The following PHACTR2 variants were observed in gnomAD, a reference collection of about 807,000 sequenced individuals.
PHACTR2 encodes chromosome 6 open reading frame 56.
A neutral mutation model predicts 76.0 loss-of-function variants in PHACTR2; 30 were observed. The ratio of observed to expected loss-of-function variants is 0.39; its 90% CI spans 0.30 to 0.54. The LOEUF is 0.54. PHACTR2 is among the 20% of genes least tolerant of loss of function. PHACTR2 has a pLI of 0.61. For synonymous variants in PHACTR2, 292 were observed against 292.5 expected (o/e 1.00, Z 0.02); for missense variants, 696 against 781.1 (o/e 0.89, Z 1.30).
At position 143,647,489 on chromosome 6, in the gene PHACTR2, G is replaced by T. The variant is rs1776680325; in HGVS notation, c.13+39167G>T. 6.6e-6 allele frequency among the ~76,000 whole-genome samples: 1 copy of T among 152,176 alleles called. No homozygotes were observed. Among genetic ancestry groups the T allele is most frequent in the Non-Finnish European group, 1.5e-5 (1 of 68,034 alleles). On this transcript the variant is annotated intron_variant, in intron 1 of 11. Coordinates refer to the PHACTR2 transcript ENST00000305766. The surrounding 1 kb of genome is among the most constrained non-coding windows in gnomAD (Gnocchi z 4.2). Reference sequence around the variant, plus strand: ...TAGGTATACTATCCATGGTGAAGAGGACAGCCTAGGTCGTTGCCCTCATGG... The same window carrying T: ...TAGGTATACTATCCATGGTGAAGAGTACAGCCTAGGTCGTTGCCCTCATGG...
rs1159006543 is a variant in PHACTR2, at chr6:143,578,752, A to T, written c.217+41545A>T. On this transcript the variant is annotated intron_variant, in intron 1 of 11. Coordinates refer to the PHACTR2 transcript ENST00000367584. The surrounding 1 kb of genome is among the most constrained non-coding windows in gnomAD (Gnocchi z 4.5). ...GTAGATGATGAAGAAGATGAAGAAGACCTTGGTGAAGAAGAAAGGAGTCAG... is the reference window on the plus strand; with the variant it reads ...GTAGATGATGAAGAAGATGAAGAAGTCCTTGGTGAAGAAGAAAGGAGTCAG... 6.6e-6 allele frequency among the ~76,000 whole-genome samples: 1 copy of T among 151,804 alleles called. No individual in the cohort carries two copies. The highest frequency in any genetic ancestry group is 1.9e-4 in the East Asian group (1 of 5,178).
chr6:143,808,346 C>T (rs1776107590), intron 12 of PHACTR2, among the ~76,000 whole-genome samples: 1 of 152,086 alleles, frequency 6.6e-6, no homozygotes, highest in South Asian at 2.1e-4. Flanking sequence ...TCCAGCTGGT[C>T]TCAAACTCCT....
At chr6:143,749,550 G>A (rs1277223523) in intron 3 of PHACTR2, among the ~76,000 whole-genome samples, 2 of 152,136 alleles carry the variant, frequency 1.3e-5, no homozygotes, top group Non-Finnish European at 2.9e-5. Flanking sequence ...AATCAATAAA[G>A]CATGAATAGG....
rs969045647 is a variant in PHACTR2 at position 143,554,228 on chromosome 6, G to C, written c.217+17021G>C. 2.0e-5 allele frequency: 3 copies of C among 152,170 alleles called. No homozygotes were observed. The highest frequency in any genetic ancestry group is 7.2e-5 in the African/African-American group (3 of 41,434). The allele number at this position is 152,170 out of a possible 1,614,324, so 9.4% of individuals were successfully genotyped here. A position where few individuals can be genotyped will look rare whatever the true frequency, so the allele number is the denominator to read the frequency against. On this transcript the variant is annotated intron_variant, in intron 1 of 11. Transcript: ENST00000367584. This position sits in a 1 kb window ranked among gnomAD's most constrained non-coding sequence, Gnocchi z 5.9. Reference sequence around the variant, plus strand: ...GGACAGTAACTAGCCAATTGATGGAGATTTTAACATTACGTGGAAGTAGCT... The same window carrying C: ...GGACAGTAACTAGCCAATTGATGGACATTTTAACATTACGTGGAAGTAGCT...
Position 143,826,562 on chromosome 6 carries a change from A to G in PHACTR2, c.*2873A>G, listed in dbSNP as rs1261030812. On this transcript the variant is annotated 3_prime_UTR_variant, in exon 13 of 13. Coordinates refer to ENST00000440869, the MANE Select transcript of PHACTR2 (RefSeq NM_001100164.2). ...AGGCAGGAAAGAACTAGACAGATGTAGAAACCAAAGTGACCATTTTAGTTT... is the reference window on the plus strand; with the variant it reads ...AGGCAGGAAAGAACTAGACAGATGTGGAAACCAAAGTGACCATTTTAGTTT... 1 of 149,306 alleles carries G rather than the reference A, an allele frequency of 6.7e-6. No individual in the cohort carries two copies. 9.2% of individuals were successfully genotyped at this position (149,306 alleles called of 1,614,324 possible). A position where few individuals can be genotyped will look rare whatever the true frequency, so the allele number is the denominator to read the frequency against.
At position 143,742,334 on chromosome 6, in the gene PHACTR2, C is replaced by T. The variant is rs1778964081; in HGVS notation, c.215-6651C>T. On this transcript the variant is annotated intron_variant, in intron 2 of 12. Transcript: ENST00000440869. The surrounding 1 kb of genome is among the most constrained non-coding windows in gnomAD (Gnocchi z 4.5). ...TGAGTCTGTATTTCCTCCCTGTTGG[C>T]TTTTGTTGTTGTTGTGGTTGTTAAC... 6.6e-6 allele frequency among the ~76,000 whole-genome samples: 1 copy of T among 152,138 alleles called. No individual in the cohort carries two copies. Among genetic ancestry groups the T allele is most frequent in the South Asian group, 2.1e-4 (1 of 4,824 alleles).
At position 143,755,750 on chromosome 6, in the gene PHACTR2, G is replaced by A. The variant is rs1218030506; in HGVS notation, c.454+1838G>A. ...AAAGTGCACACACCAAAGCCACAAG[G>A]AGAAGCGCTAGGTATAGAAGCCACT... On this transcript the variant is annotated intron_variant, in intron 4 of 12. Coordinates refer to ENST00000440869, the MANE Select transcript of PHACTR2 (RefSeq NM_001100164.2). The surrounding 1 kb of genome is among the most constrained non-coding windows in gnomAD (Gnocchi z 5.2). Among the ~76,000 whole-genome samples the A allele has an allele frequency of 1.9e-4, 29 of 152,174 alleles. No individual in the cohort carries two copies. Among genetic ancestry groups the A allele is most frequent in the Non-Finnish European group, 8.8e-5 (6 of 68,046 alleles).
At chr6:143,773,670 G>A (rs1775205508) in intron 7 of PHACTR2, among the ~76,000 whole-genome samples, 1 of 152,086 alleles carries the variant, frequency 6.6e-6, no homozygotes, top group Non-Finnish European at 1.5e-5. Flanking sequence ...GAGGAGACAA[G>A]GATTAACTGT....
In PHACTR2 at chr6:143,801,150, C is replaced by T. The variant is rs372541132; in HGVS notation, c.1846-5907C>T. On this transcript the variant is annotated intron_variant, in intron 11 of 12. Coordinates refer to ENST00000440869, the MANE Select transcript of PHACTR2 (RefSeq NM_001100164.2). This position sits in a 1 kb window ranked among gnomAD's most constrained non-coding sequence, Gnocchi z 4.6. ...ACATTTTTTCCTCCATTTCAACCTT[C>T]GTGAATCTGACAGTTATGTGTCTTG... 6.6e-6 allele frequency among the ~76,000 whole-genome samples: 1 copy of T among 152,140 alleles called. No homozygotes were observed. Among genetic ancestry groups the T allele is most frequent in the Non-Finnish European group, 1.5e-5 (1 of 68,032 alleles).
intron 2 of PHACTR2, among the ~76,000 whole-genome samples, chr6:143,745,649 C>T (rs1275870628): frequency 2.0e-5 from 3 of 152,374 alleles, no homozygotes; most frequent in Middle Eastern, 3.4e-3. Context: ...GAATGAGATA[C>T]TTGTACTGCT....
In PHACTR2 at chr6:143,580,488, C is replaced by T. The variant is rs1189491663; in HGVS notation, c.217+43281C>T. On this transcript the variant is annotated intron_variant, in intron 1 of 11. Coordinates refer to the PHACTR2 transcript ENST00000367584. The surrounding 1 kb of genome is among the most constrained non-coding windows in gnomAD (Gnocchi z 4.2). ...CGACAGAGCGAGACTCCGTCTCAAA[C>T]AAAACAAAACAAAACAAAACAAAAA... Among the ~76,000 whole-genome samples, 1 of 150,154 alleles carries T rather than the reference C, an allele frequency of 6.7e-6. No individual in the cohort carries two copies. The highest frequency in any genetic ancestry group is 6.6e-5 in the Admixed American group (1 of 15,128).
Position 143,780,056 on chromosome 6 carries a change from GC to G in PHACTR2, c.1645+2674del, listed in dbSNP as rs1170282432. On this transcript the variant is annotated intron_variant, in intron 9 of 12. Coordinates refer to ENST00000440869, the MANE Select transcript of PHACTR2 (RefSeq NM_001100164.2). This position sits in a 1 kb window ranked among gnomAD's most constrained non-coding sequence, Gnocchi z 4.4. ...CTAATCAAGAAAGGTGATGTATTTA[GC>G]TGAGAATGTAATTCTAGCCATGTCT... is the stretch of plus-strand genomic sequence containing the variant. 1.3e-5 allele frequency among the ~76,000 whole-genome samples: 2 copies of G among 151,830 alleles called. No homozygotes were observed. Among genetic ancestry groups the G allele is most frequent in the Admixed American group, 1.3e-4 (2 of 15,244 alleles).
chr6:143,748,438 T>G (rs529474817), intron 2 of PHACTR2, among the ~76,000 whole-genome samples: 36 of 152,336 alleles, frequency 2.4e-4, no homozygotes, highest in African/African-American at 8.2e-4. Context: ...ATATAAGAAC[T>G]CTCTAGAATT....
chr6:143,688,408 T>C lies in PHACTR2; in HGVS notation c.46+10199T>C, dbSNP rs1777569588. ...TCAACTCCCAGAGTTACCCAGTTTG[T>C]GTCTGCAACTCTGACCTTTCTCTGC... is the stretch of plus-strand genomic sequence containing the variant. On this transcript the variant is annotated intron_variant, in intron 1 of 12. Transcript: ENST00000440869. The surrounding 1 kb of genome is among the most constrained non-coding windows in gnomAD (Gnocchi z 5.2). Among the ~76,000 whole-genome samples the C allele has an allele frequency of 6.6e-6, 1 of 152,034 alleles. No homozygotes were observed. Among genetic ancestry groups the C allele is most frequent in the Non-Finnish European group, 1.5e-5 (1 of 68,022 alleles).
rs1363466067 is a variant in PHACTR2 at position 143,829,311 on chromosome 6, A to C, written c.*5622A>C. The C allele has an allele frequency of 1.3e-5, 2 of 150,832 alleles. No individual in the cohort carries two copies. The highest frequency in any genetic ancestry group is 2.9e-5 in the Non-Finnish European group (2 of 67,940). The allele number at this position is 150,832 out of a possible 1,614,324, so 9.3% of individuals were successfully genotyped here. On this transcript the variant is annotated 3_prime_UTR_variant, in exon 13 of 13. Coordinates refer to ENST00000440869, the MANE Select transcript of PHACTR2 (RefSeq NM_001100164.2). ...AAACACAAACACAGACTAGCAATGC[A>C]CTTGAACAAACCTGGTGGTCTTTGG...
intron 12 of PHACTR2, among the ~76,000 whole-genome samples, chr6:143,817,053 G>A (rs1278729878): frequency 6.6e-6 from 1 of 152,112 alleles, no homozygotes; most frequent in African/African-American, 2.4e-5. Flanking sequence ...GTGACAGAGT[G>A]AGACGGTGTC....
Position 143,700,582 on chromosome 6 carries a change from G to C in PHACTR2, c.47-11434G>C, listed in dbSNP as rs1218142817. Among the ~76,000 whole-genome samples, 1 of 152,078 alleles carries C rather than the reference G, an allele frequency of 6.6e-6. No homozygotes were observed. Among genetic ancestry groups the C allele is most frequent in the Non-Finnish European group, 1.5e-5 (1 of 68,008 alleles). On this transcript the variant is annotated intron_variant, in intron 1 of 12. Transcript: ENST00000440869. This position sits in a 1 kb window ranked among gnomAD's most constrained non-coding sequence, Gnocchi z 4.1. ...GGGGCAGTGGGGAGGGGGGGCGAGA[G>C]GAGAACTGTGATATTTCAGTATATT...
At position 143,617,906 on chromosome 6, in the gene PHACTR2, G is replaced by C. The variant is rs1238781161; in HGVS notation, c.13+9584G>C. Among the ~76,000 whole-genome samples the C allele has an allele frequency of 2.6e-5, 4 of 152,152 alleles. No individual in the cohort carries two copies. The highest frequency in any genetic ancestry group is 9.7e-5 in the African/African-American group (4 of 41,424). ...GACTTAGTCACCTACTTCCTAATCA[G>C]GAAGGTTGGTTTCTTTTCCAACATC... On this transcript the variant is annotated intron_variant, in intron 1 of 11. Transcript: ENST00000305766. The surrounding 1 kb of genome is among the most constrained non-coding windows in gnomAD (Gnocchi z 4.8).
At chr6:143,660,863 A>T (rs1776936029) in intron 1 of PHACTR2, among the ~76,000 whole-genome samples, 1 of 152,204 alleles carries the variant, frequency 6.6e-6, no homozygotes, top group Non-Finnish European at 1.5e-5. Context: ...AGAAAATAAA[A>T]CCTCAAGGAA....
Sources: gnomAD v4.1 joint callset for allele counts (sites outside exome capture counted in the v4.1 genomes callset) on GRCh38, gnomAD v4.1.1 for gene constraint, Gnocchi (gnomAD v3.1) non-coding constraint, MANE v1.5 for transcripts, NCBI Gene and HGNC (gene_info 2026-07-23, HGNC 2026-07-21) for gene names.